Variants in ADGRL2 observed in about 807,000 individuals in gnomAD.
ADGRL2 encodes calcium-independent alpha-latrotoxin receptor 2.
ADGRL2 carries 44 observed loss-of-function variants against 157.4 expected under a neutral mutation model. The ratio of observed to expected loss-of-function variants is 0.28; its 90% CI spans 0.22 to 0.36. The LOEUF (loss-of-function observed/expected upper bound fraction) is 0.36, where lower values mean the gene tolerates loss of function less well. Among genes scored for constraint, ADGRL2 ranks in the 10% least tolerant of loss-of-function variants. ADGRL2 has a pLI of 1.00. For synonymous variants in ADGRL2, 585 were observed against 624.7 expected (o/e 0.94, Z 0.95); for missense variants, 1,510 against 1,768.9 (o/e 0.85, Z 2.63).
chr1:81,603,757 G>A (rs2081379086), intron 3 of ADGRL2, among the ~76,000 whole-genome samples: 1 of 152,154 alleles, frequency 6.6e-6, no homozygotes, highest in Non-Finnish European at 1.5e-5. Context: ...CAAAAAAAAG[G>A]AAGGAAAAGA....
At chr1:81,482,117 G>A (rs983042581) in intron 2 of ADGRL2, among the ~76,000 whole-genome samples, 3 of 152,140 alleles carry the variant, frequency 2.0e-5, no homozygotes, top group African/African-American at 7.2e-5. Flanking sequence ...CAACTGCTTA[G>A]ACTCTTTTAA....
intron 2 of ADGRL2, among the ~76,000 whole-genome samples, chr1:81,490,308 T>G (rs1207459738): frequency 6.6e-6 from 1 of 152,088 alleles, no homozygotes; most frequent in Non-Finnish European, 1.5e-5. Context: ...CTTTTTGTAT[T>G]TTTAGTAGAG....
chr1:81,598,219 C>T (rs2081272926), intron 3 of ADGRL2, among the ~76,000 whole-genome samples: 1 of 152,124 alleles, frequency 6.6e-6, no homozygotes, highest in South Asian at 2.1e-4. Context: ...CCAAACTCAA[C>T]AAGGTTAAGC....
At chr1:81,581,162 C>G (rs2080898722) in intron 3 of ADGRL2, among the ~76,000 whole-genome samples, 1 of 152,098 alleles carries the variant, frequency 6.6e-6, no homozygotes, top group South Asian at 2.1e-4. Flanking sequence ...ATGAGTCACT[C>G]CAACACCTTT....
Position 81,306,920 on chromosome 1 carries a change from A to C in ADGRL2, c.-302+411A>C, listed in dbSNP as rs1435138428. On this transcript the variant is annotated intron_variant, in intron 1 of 24. Transcript: ENST00000370721. ...AGCCCTCCTGCAGCATTTTCTGTGAAAAATAACTAACTGTTGAAATGTTTT... is the reference window on the plus strand; with the variant it reads ...AGCCCTCCTGCAGCATTTTCTGTGACAAATAACTAACTGTTGAAATGTTTT... Among the ~76,000 whole-genome samples the C allele has an allele frequency of 2.0e-5, 3 of 152,156 alleles. No homozygotes were observed. In the East Asian group the frequency reaches 5.8e-4, roughly 29 times the overall value.
chr1:81,658,641 C>T (rs2082586506), intron 3 of ADGRL2, among the ~76,000 whole-genome samples: 2 of 152,256 alleles, frequency 1.3e-5, no homozygotes, highest in South Asian at 4.1e-4. Flanking sequence ...TTATTTAACT[C>T]CCTCTTATAA....
Position 81,663,628 on chromosome 1 carries a change from A to G in ADGRL2, c.-143+82648A>G, listed in dbSNP as rs545117694. ...GTGTGTGCTGGTCCAGTTCTTCTTA[A>G]CCTATCATTGTAATTTGGTCATTTT... On this transcript the variant is annotated intron_variant, in intron 3 of 24. Transcript: ENST00000370721. Among the ~76,000 whole-genome samples the G allele has an allele frequency of 1.3e-3, 201 of 152,192 alleles. 5 individuals carry two copies. Among genetic ancestry groups the G allele is most frequent in the Non-Finnish European group, 4.9e-4 (33 of 68,002 alleles).
At chr1:81,950,514 T>C (rs1557982148) in intron 7 of ADGRL2, 32 bp downstream of exon 7, 3 of 1,571,766 alleles carry the variant, frequency 1.9e-6, no homozygotes, top group Non-Finnish European at 2.6e-6. Flanking sequence ...GCATACATTT[T>C]TCAATTTAGT....
intron 3 of ADGRL2, among the ~76,000 whole-genome samples, chr1:81,667,407 G>A (rs946029928): frequency 1.3e-5 from 2 of 152,106 alleles, no homozygotes; most frequent in African/African-American, 4.8e-5. Flanking sequence ...TTATGTTCGT[G>A]AATATATTTA....
At chr1:81,617,527 C>T (rs550913715) in intron 3 of ADGRL2, among the ~76,000 whole-genome samples, 45 of 152,330 alleles carry the variant, frequency 3.0e-4, no homozygotes, top group African/African-American at 1.1e-3. Flanking sequence ...TCTTTCGCAA[C>T]TTTTGGTAAT....
chr1:81,825,212 A>T (rs1463454866), intron 1 of ADGRL2, among the ~76,000 whole-genome samples: 3 of 151,990 alleles, frequency 2.0e-5, no homozygotes, highest in African/African-American at 7.3e-5. Flanking sequence ...AAGAAATAAA[A>T]ATTTTTTTTT....
intron 19 of ADGRL2, among the ~76,000 whole-genome samples, chr1:81,983,740 C>T (rs1423237496): frequency 1.3e-5 from 2 of 152,046 alleles, no homozygotes; most frequent in Non-Finnish European, 2.9e-5. Flanking sequence ...TAATTCTGTA[C>T]CACTGCTTTA....
intron 1 of ADGRL2, among the ~76,000 whole-genome samples, chr1:81,385,051 G>A (rs901531520): frequency 6.6e-6 from 1 of 152,074 alleles, no homozygotes; most frequent in African/African-American, 2.4e-5. Context: ...TACGTTGCCT[G>A]TACTCAGGTA....
At chr1:81,650,545 T>C (rs543228786) in intron 3 of ADGRL2, among the ~76,000 whole-genome samples, 42 of 137,316 alleles carry the variant, frequency 3.1e-4, no homozygotes, top group Admixed American at 5.7e-4. Flanking sequence ...CACTGCACTC[T>C]AGCCTGGCAA....
chr1:81,648,749 C>A (rs1374306636), intron 3 of ADGRL2, among the ~76,000 whole-genome samples: 6 of 152,030 alleles, frequency 3.9e-5, no homozygotes, highest in Non-Finnish European at 7.4e-5. Flanking sequence ...TCTAACCAAC[C>A]CATTTGGTAG....
At chr1:81,360,110 A>T (rs2075952198) in intron 1 of ADGRL2, among the ~76,000 whole-genome samples, 1 of 151,988 alleles carries the variant, frequency 6.6e-6, no homozygotes, top group Non-Finnish European at 1.5e-5. Context: ...ACTGTACATG[A>T]TCTACTCTTT....
At chr1:81,364,517 T>C (rs949917799) in intron 1 of ADGRL2, among the ~76,000 whole-genome samples, 1 of 148,492 alleles carries the variant, frequency 6.7e-6, no homozygotes. Flanking sequence ...ACAGTTCTTT[T>C]GAATACTCAA....
At chr1:81,836,475 A>T (rs1030457022) in intron 1 of ADGRL2, among the ~76,000 whole-genome samples, 3 of 151,918 alleles carry the variant, frequency 2.0e-5, no homozygotes, top group Non-Finnish European at 4.4e-5. Context: ...ACCTGGTCTC[A>T]TGTGATCCTA....
At chr1:81,342,948 C>T (rs1195538603) in intron 1 of ADGRL2, among the ~76,000 whole-genome samples, 1 of 152,046 alleles carries the variant, frequency 6.6e-6, no homozygotes, top group Admixed American at 6.5e-5. Flanking sequence ...TCAATAGATA[C>T]TCTGAGAAAA....
Sources: gnomAD v4.1 joint callset for allele counts (sites outside exome capture counted in the v4.1 genomes callset) on GRCh38, gnomAD v4.1.1 for gene constraint, MANE v1.5 for transcripts, NCBI Gene and HGNC (gene_info 2026-07-23, HGNC 2026-07-21) for gene names.